Variants in TJP2 observed in about 807,000 individuals in gnomAD.
TJP2 encodes tight junction protein 2.
TJP2 carries 91 observed loss-of-function variants against 133.1 expected under a neutral mutation model. The observed-to-expected ratio is 0.68, with a 90% confidence interval of 0.58 to 0.81. TJP2 has a LOEUF of 0.81. Ranked by LOEUF, TJP2 falls within the 40% of genes least tolerant of loss-of-function variation. The pLI, the probability that TJP2 is intolerant of heterozygous loss-of-function variation, is 0.00. For synonymous variants in TJP2, 592 were observed against 583.4 expected, an observed-to-expected ratio of 1.01 and a Z score of -0.21; for missense variants, 1,541 against 1,565.6, an observed-to-expected ratio of 0.98 and a Z score of 0.26.
At chr9:69,247,574 G>C (rs1026609742) in intron 18 of TJP2, among the ~76,000 whole-genome samples, 4 of 152,164 alleles carry the variant, frequency 2.6e-5, no homozygotes, top group African/African-American at 7.2e-5. Context: ...CCCTGGGGAG[G>C]ACAGGTTGAA....
intron 1 of TJP2, among the ~76,000 whole-genome samples, chr9:69,206,201 A>T (rs143014004): frequency 2.8e-3 from 422 of 152,330 alleles, no homozygotes; most frequent in African/African-American, 9.7e-3. Flanking sequence ...ATAAGGAAAG[A>T]TGATGAAAGC....
intron 2 of TJP2, among the ~76,000 whole-genome samples, chr9:69,165,633 T>A (rs1225532564): frequency 6.6e-6 from 1 of 152,168 alleles, no homozygotes; most frequent in African/African-American, 2.4e-5. Flanking sequence ...TCTCCACTGC[T>A]TCTCAGTGGA....
intron 1 of TJP2, among the ~76,000 whole-genome samples, chr9:69,207,129 T>TAC (rs1025588581): frequency 3.0e-4 from 45 of 152,100 alleles, no homozygotes; most frequent in Middle Eastern, 3.4e-3. Flanking sequence ...CATGCGTGCG[T>TAC]ACACACACAC....
At chr9:69,186,025 C>T (rs1303129455) in intron 1 of TJP2, among the ~76,000 whole-genome samples, 1 of 152,080 alleles carries the variant, frequency 6.6e-6, no homozygotes, top group African/African-American at 2.4e-5. Context: ...GCCTTGGCCT[C>T]CCAAAGTGCT....
intron 1 of TJP2, among the ~76,000 whole-genome samples, chr9:69,130,026 A>T (rs1822422694): frequency 6.6e-6 from 1 of 151,558 alleles, no homozygotes; most frequent in Admixed American, 6.6e-5. Flanking sequence ...AAAAAAAAAA[A>T]AAAAAAGAAA....
chr9:69,127,767 G>C (rs4515614), intron 1 of TJP2, among the ~76,000 whole-genome samples: 44,280 of 74,118 alleles, frequency 0.6, 20,247 homozygotes, highest in East Asian at 1. Flanking sequence ...TGGCTTCTTT[G>C]ACTTAGCATG....
Position 69,236,129 on chromosome 9 carries a change from G to C in TJP2, c.1882G>C (p.Gly628Arg). The C allele has an allele frequency of 1.2e-6, 2 of 1,614,238 alleles. No homozygotes were observed. The highest frequency in any genetic ancestry group is 8.5e-7 in the Non-Finnish European group (1 of 1,180,046). Residue 628 changes from glycine (G) to arginine (R), a missense_variant, in exon 13 of 23, where the codon GGG becomes CGG. Physicochemically the swap from Gly to Arg is moderately radical, Grantham distance 125 (BLOSUM62 -2). Transcript: ENST00000377245. The part of the protein sequence containing the change: ...ETPQSLAFTR[G>R]EVFRVVDTLY... ...TCCACAGAGCCTGGCCTTCACCAGA[G>C]GGGAGGTCTTCCGAGTGGTAGACAC...
intron 1 of TJP2, among the ~76,000 whole-genome samples, chr9:69,138,047 G>A: frequency 6.6e-6 from 1 of 152,076 alleles, no homozygotes; most frequent in South Asian, 2.1e-4. Flanking sequence ...ATCACTTTCT[G>A]GCCTCATCGT....
intron 1 of TJP2, among the ~76,000 whole-genome samples, chr9:69,190,403 C>G (rs893629994): frequency 2.6e-5 from 4 of 152,168 alleles, no homozygotes; most frequent in African/African-American, 9.7e-5. Context: ...GGAAACTGAA[C>G]GAGTTCAGAT....
intron 12 of TJP2, 117 bp from the exon 13 acceptor site, chr9:69,235,911 G>A: frequency 1.1e-6 from 1 of 922,146 alleles, no homozygotes; most frequent in Non-Finnish European, 1.7e-6. Context: ...CATAGGACTT[G>A]TGCACTGAAT....
At chr9:69,180,442 A>C in intron 1 of TJP2, among the ~76,000 whole-genome samples, 1 of 152,192 alleles carries the variant, frequency 6.6e-6, no homozygotes, top group East Asian at 1.9e-4. Flanking sequence ...CTGAGGGGGA[A>C]ATAATGTTCC....
chr9:69,227,744 T>C (rs1250215895), intron 7 of TJP2, 21 bp from the exon 8 acceptor site: 46 of 1,496,024 alleles, frequency 3.1e-5, no homozygotes, highest in Non-Finnish European at 4.0e-5. Context: ...TTTAAAAGTC[T>C]TTTCTTATTT....
intron 18 of TJP2, among the ~76,000 whole-genome samples, chr9:69,247,448 G>T (rs1588152996): frequency 6.6e-6 from 1 of 152,182 alleles, no homozygotes; most frequent in Non-Finnish European, 1.5e-5. Context: ...TGTGAGACTT[G>T]ACAGTGACTA....
intron 17 of TJP2, among the ~76,000 whole-genome samples, chr9:69,244,524 T>A (rs1043730292): frequency 3.9e-5 from 6 of 152,170 alleles, no homozygotes; most frequent in African/African-American, 1.4e-4. Flanking sequence ...GTATTTCACT[T>A]TCTTGAGCTC....
In TJP2 at chr9:69,247,901, C is replaced by A. The variant is rs41308892; in HGVS notation, c.2668-111C>A. 139,879 of 1,050,800 alleles carry A rather than the reference C, an allele frequency of 0.13. 10,329 individuals carry two copies. Among genetic ancestry groups the A allele is most frequent in the Middle Eastern group, 0.21 (717 of 3,408 alleles). 65.1% of individuals were successfully genotyped at this position (1,050,800 alleles called of 1,614,324 possible). A position where few individuals can be genotyped will look rare whatever the true frequency, so the allele number is the denominator to read the frequency against. On this transcript the variant is annotated intron_variant, in intron 18 of 22. Transcript: ENST00000377245. The stretch of plus-strand genomic sequence containing the variant: ...GAAAAATAAAAGATGCCTTCCCTGG[C>A]GAGCACATCAAGGTTTCAGTCGCTT...
chr9:69,251,645 C>T (rs1831340792), intron 21 of TJP2, among the ~76,000 whole-genome samples: 1 of 152,102 alleles, frequency 6.6e-6, no homozygotes, highest in Non-Finnish European at 1.5e-5. Flanking sequence ...GAATCAGTGC[C>T]TCTCGGAAGT....
intron 1 of TJP2, among the ~76,000 whole-genome samples, chr9:69,196,976 C>CACACACACACACACAT (rs1564425763): frequency 6.7e-6 from 1 of 148,672 alleles, no homozygotes; most frequent in South Asian, 2.1e-4. Flanking sequence ...CACACACACA[C>CACACACACACACACAT]ATGTTTTCTG....
intron 19 of TJP2, chr9:69,248,970 C>CAAAAA: frequency 1.1e-6 from 1 of 910,784 alleles, no homozygotes; most frequent in Non-Finnish European, 1.3e-6. Flanking sequence ...ATAGAACTAC[C>CAAAAA]AAAAAAAAAA....
At chr9:69,229,398 G>T in intron 10 of TJP2, 148 bp downstream of exon 10, 1 of 794,164 alleles carries the variant, frequency 1.3e-6, no homozygotes, top group Non-Finnish European at 2.3e-6. Flanking sequence ...TAGTGCTTAT[G>T]AGAAAGAGGA....
Sources: allele counts gnomAD v4.1 joint callset (sites outside exome capture counted in the v4.1 genomes callset), GRCh38; gene constraint gnomAD v4.1.1; transcripts MANE v1.5; gene names NCBI Gene and HGNC (gene_info 2026-07-23, HGNC 2026-07-21).